The following UNC13C variants were observed in gnomAD, a reference collection of about 807,000 sequenced individuals.
The protein encoded by UNC13C is protein unc-13 homolog C.
In UNC13C, 174 loss-of-function variants were observed where a neutral mutation model predicts 245.4. The ratio of observed to expected loss-of-function variants is 0.71; its 90% CI spans 0.63 to 0.80. The LOEUF is 0.80. Among genes scored for constraint, UNC13C ranks in the 30% least tolerant of loss-of-function variants. The probability of loss-of-function intolerance (pLI) is 0.00; values close to 1 mark genes in which losing one functional copy is unlikely to be tolerated. For missense variants in UNC13C, 2,829 were observed against 2,602.9 expected, an observed-to-expected ratio of 1.09 and a Z score of -1.89; for synonymous variants, 992 against 895.1, an observed-to-expected ratio of 1.11 and a Z score of -1.93.
At chr15:54,601,085 G>A (rs1899390973) in intron 30 of UNC13C, among the ~76,000 whole-genome samples, 1 of 152,198 alleles carries the variant, frequency 6.6e-6, no homozygotes, top group South Asian at 2.1e-4. Context: ...GCAGCCTGTG[G>A]CTTGAGGGTT....
intron 24 of UNC13C, chr15:54,512,418 C>A (rs1212229148): frequency 2.2e-6 from 1 of 455,260 alleles, no homozygotes; most frequent in Non-Finnish European, 4.4e-6. Context: ...CTGGCTGTTC[C>A]CTCCAACCCT....
chr15:54,130,372 A>G (rs12901526), intron 2 of UNC13C, among the ~76,000 whole-genome samples: 53,672 of 142,238 alleles, frequency 0.38, 9,916 homozygotes, highest in Middle Eastern at 0.42. Context: ...GGCTCACTGC[A>G]AGCTCCGCCT....
At chr15:54,598,386 C>T (rs967911734) in intron 30 of UNC13C, among the ~76,000 whole-genome samples, 6 of 152,214 alleles carry the variant, frequency 3.9e-5, no homozygotes, top group African/African-American at 7.2e-5. Context: ...TGAGCCACCG[C>T]GCCCAGCCTG....
At chr15:54,283,710 A>ATG (rs56013029) in intron 10 of UNC13C, among the ~76,000 whole-genome samples, 9 of 149,686 alleles carry the variant, frequency 6.0e-5, no homozygotes, top group East Asian at 4.0e-4. Context: ...GTATATATAT[A>ATG]TGTGTGTGTG....
chr15:54,143,514 G>T, intron 3 of UNC13C, 106 bp from the exon 4 acceptor site: 4 of 769,124 alleles, frequency 5.2e-6, no homozygotes, highest in Non-Finnish European at 6.6e-6. Flanking sequence ...GTCATACTAG[G>T]TGTTACGTGT....
chr15:54,181,612 A>G (rs2033801481), intron 4 of UNC13C, among the ~76,000 whole-genome samples: 1 of 152,044 alleles, frequency 6.6e-6, no homozygotes, highest in African/African-American at 2.4e-5. Context: ...TAGGAATAGC[A>G]TTGAATCTGT....
At chr15:54,245,442 A>G (rs1353527747) in intron 7 of UNC13C, among the ~76,000 whole-genome samples, 1 of 152,110 alleles carries the variant, frequency 6.6e-6, no homozygotes, top group Non-Finnish European at 1.5e-5. Flanking sequence ...GTGAAAGAAA[A>G]CTACTTACAT....
the UNC13C span, among the ~76,000 whole-genome samples, chr15:53,858,218 A>C: frequency 6.6e-6 from 1 of 152,184 alleles, no homozygotes; most frequent in Non-Finnish European, 1.5e-5. Context: ...TATAACATTT[A>C]CATATTGAAA....
At chr15:53,965,289 C>T in the UNC13C span, among the ~76,000 whole-genome samples, 7 of 152,094 alleles carry the variant, frequency 4.6e-5, no homozygotes, top group Non-Finnish European at 1.0e-4. Context: ...CTCTTCCCCT[C>T]CTCAGCTCGT....
At chr15:54,380,233 T>C (rs969018337) in intron 17 of UNC13C, among the ~76,000 whole-genome samples, 4 of 151,954 alleles carry the variant, frequency 2.6e-5, no homozygotes, top group African/African-American at 9.7e-5. Flanking sequence ...ATGAGCGTGA[T>C]TTTTGTCTTT....
chr15:54,528,395 G>T (rs929345736), intron 25 of UNC13C, among the ~76,000 whole-genome samples: 4 of 151,358 alleles, frequency 2.6e-5, no homozygotes, highest in Admixed American at 2.0e-4. Flanking sequence ...AAAAATTCAG[G>T]AATATTTCGT....
intron 2 of UNC13C, among the ~76,000 whole-genome samples, chr15:54,111,278 A>G (rs1567022005): frequency 6.6e-6 from 1 of 152,206 alleles, no homozygotes; most frequent in Non-Finnish European, 1.5e-5. Flanking sequence ...AAATCATTTA[A>G]ACCTAGAACT....
the UNC13C span, among the ~76,000 whole-genome samples, chr15:53,872,178 C>G: frequency 6.6e-6 from 1 of 152,108 alleles, no homozygotes; most frequent in Admixed American, 6.5e-5. Flanking sequence ...CCACCATATG[C>G]CCCAGCTGCA....
Position 54,237,666 on chromosome 15 carries a change from G to A in UNC13C, c.3204G>A (p.Arg1068=), listed in dbSNP as rs772161689. ...KSGLSLAMVI[R]TSLNNEELKM... is the part of the protein sequence containing the mutation. ...GACTCTCCCTGGCTATGGTGATTAGGACATCCCTAAATAATGAGGAACTGG... is the reference window on the plus strand; with the variant it reads ...GACTCTCCCTGGCTATGGTGATTAGAACATCCCTAAATAATGAGGAACTGG... The change falls in exon 7 of 33, where the codon AGG becomes AGA. Residue 1068 remains arginine (R), a synonymous_variant. Transcript: ENST00000260323. The A allele has an allele frequency of 1.2e-6, 2 of 1,611,808 alleles. No individual in the cohort carries two copies. The highest frequency in any genetic ancestry group is 1.7e-5 in the Admixed American group (1 of 59,786).
At chr15:54,284,504 A>G (rs2037089693) in intron 10 of UNC13C, among the ~76,000 whole-genome samples, 1 of 152,188 alleles carries the variant, frequency 6.6e-6, no homozygotes, top group African/African-American at 2.4e-5. Flanking sequence ...TGTTCACCAG[A>G]GGAGTAGGGA....
intron 2 of UNC13C, among the ~76,000 whole-genome samples, chr15:54,062,813 C>T (rs915455275): frequency 1.1e-4 from 16 of 152,214 alleles, no homozygotes; most frequent in African/African-American, 3.6e-4. Flanking sequence ...TTGGGACCTA[C>T]TCATGTAATA....
chr15:53,856,804 C>G, the UNC13C span, among the ~76,000 whole-genome samples: 13 of 152,200 alleles, frequency 8.5e-5, no homozygotes, highest in East Asian at 2.5e-3. Flanking sequence ...CCACTTGATC[C>G]AGAGCTGAGT....
intron 19 of UNC13C, among the ~76,000 whole-genome samples, chr15:54,468,291 A>T (rs1035463887): frequency 6.6e-6 from 1 of 151,604 alleles, no homozygotes; most frequent in Non-Finnish European, 1.5e-5. Context: ...CCTGTTTTTA[A>T]ATAGGGTTGT....
At chr15:54,147,432 G>C (rs1330906312) in intron 4 of UNC13C, among the ~76,000 whole-genome samples, 1 of 152,046 alleles carries the variant, frequency 6.6e-6, no homozygotes, top group Non-Finnish European at 1.5e-5. Flanking sequence ...TGTTAGCCAG[G>C]ATGGTCTCGA....
Sources: allele counts gnomAD v4.1 joint callset (sites outside exome capture counted in the v4.1 genomes callset), GRCh38; gene constraint gnomAD v4.1.1; transcripts MANE v1.5; gene names NCBI Gene and HGNC (gene_info 2026-07-23, HGNC 2026-07-21).